Variants in RPH3AL observed in about 807,000 individuals in gnomAD.
RPH3AL encodes the protein rabphilin 3A like (without C2 domains).
RPH3AL carries 38 observed loss-of-function variants against 43.1 expected under a neutral mutation model. That is an observed-to-expected ratio of 0.88 (90% CI 0.68 to 1.15). The LOEUF (loss-of-function observed/expected upper bound fraction) is 1.15, where lower values mean the gene tolerates loss of function less well. Among genes scored for constraint, RPH3AL ranks in the 50% most tolerant of loss-of-function variants. The pLI is 0.00. For synonymous variants in RPH3AL, 189 were observed against 176.3 expected (o/e 1.07, Z -0.57); for missense variants, 462 against 423.2 (o/e 1.09, Z -0.81).
intron 1 of RPH3AL, among the ~76,000 whole-genome samples, chr17:338,223 A>G (rs907326249): frequency 6.6e-6 from 1 of 152,208 alleles, no homozygotes; most frequent in Non-Finnish European, 1.5e-5. Flanking sequence ...GCACTTTGGG[A>G]AGCCAAGGCA....
chr17:307,193 GGTCCTCCCC>G (rs1555568410), intron 5 of RPH3AL, among the ~76,000 whole-genome samples: 2 of 70,746 alleles, frequency 2.8e-5, no homozygotes, highest in Non-Finnish European at 6.9e-5. Context: ...CCCCGCGGCA[GGTCCTCCCC>G]ACGGCAGGTC....
At chr17:259,071 G>T (rs1409452022) in intron 6 of RPH3AL, among the ~76,000 whole-genome samples, 2 of 152,280 alleles carry the variant, frequency 1.3e-5, no homozygotes, top group African/African-American at 2.4e-5. Context: ...ATGAGCACCC[G>T]ATGGATCATT....
intron 6 of RPH3AL, among the ~76,000 whole-genome samples, chr17:273,814 C>G (rs533985528): frequency 2.0e-5 from 3 of 152,146 alleles, no homozygotes; most frequent in Non-Finnish European, 2.9e-5. Context: ...CAGGATGTGG[C>G]GGGAAATTGA....
chr17:309,107 G>A (rs560153943), intron 5 of RPH3AL, among the ~76,000 whole-genome samples: 1 of 152,226 alleles, frequency 6.6e-6, no homozygotes, highest in Non-Finnish European at 1.5e-5. Context: ...GACCAGCCTG[G>A]GCAACATAGC....
At chr17:219,477 A>C (rs1252465393) in intron 8 of RPH3AL, 146 bp downstream of exon 8, 8 of 566,512 alleles carry the variant, frequency 1.4e-5, no homozygotes, top group Non-Finnish European at 2.2e-5. Flanking sequence ...GATTACAGAC[A>C]TAAGCCACTG....
At chr17:317,311 C>G (rs569335144) in intron 5 of RPH3AL, among the ~76,000 whole-genome samples, 7,710 of 145,312 alleles carry the variant, frequency 0.053, 564 homozygotes, top group African/African-American at 0.14. Flanking sequence ...CTCCATTGAC[C>G]TTTAGTCCAT....
intron 6 of RPH3AL, among the ~76,000 whole-genome samples, chr17:269,257 T>C (rs2042404841): frequency 6.6e-6 from 1 of 151,380 alleles, no homozygotes; most frequent in African/African-American, 2.4e-5. Context: ...AGCAGTCCTC[T>C]TGCCTCAGCC....
intron 7 of RPH3AL, among the ~76,000 whole-genome samples, chr17:239,998 G>A (rs1004994709): frequency 1.3e-5 from 2 of 152,158 alleles, no homozygotes; most frequent in African/African-American, 4.8e-5. Context: ...AGCACTTTGG[G>A]AGGCCAAGGT....
chr17:298,975 C>A (rs1288417686), intron 5 of RPH3AL, among the ~76,000 whole-genome samples: 2 of 151,606 alleles, frequency 1.3e-5, no homozygotes, highest in African/African-American at 2.4e-5. Flanking sequence ...CAGCAGGCTG[C>A]AGCCGGGGAA....
intron 7 of RPH3AL, among the ~76,000 whole-genome samples, chr17:220,336 C>T (rs1439513842): frequency 2.0e-5 from 3 of 151,550 alleles, no homozygotes; most frequent in East Asian, 1.9e-4. Context: ...CTGAGGCCTC[C>T]ACTCACTGAG....
chr17:228,678 C>CA (rs1174639458), intron 7 of RPH3AL, among the ~76,000 whole-genome samples: 2 of 152,158 alleles, frequency 1.3e-5, no homozygotes, highest in African/African-American at 4.8e-5. Flanking sequence ...GATTTGAACC[C>CA]AGGCCTTTCT....
chr17:347,641 C>A (rs1337373081), intron 1 of RPH3AL, among the ~76,000 whole-genome samples: 1 of 152,060 alleles, frequency 6.6e-6, no homozygotes, highest in African/African-American at 2.4e-5. Context: ...TGACTATACT[C>A]TTACCAAAGG....
chr17:231,740 G>A (rs1289471814), intron 7 of RPH3AL, among the ~76,000 whole-genome samples: 1 of 152,240 alleles, frequency 6.6e-6, no homozygotes, highest in Non-Finnish European at 1.5e-5. Context: ...TCCCAGTTCA[G>A]CTAAGACAGG....
intron 6 of RPH3AL, among the ~76,000 whole-genome samples, chr17:269,704 G>A (rs886118638): frequency 6.6e-6 from 1 of 152,196 alleles, no homozygotes; most frequent in Non-Finnish European, 1.5e-5. Context: ...GGCCCTTAGT[G>A]GGCACTCAGC....
At chr17:304,619 C>T (rs377214475) in intron 5 of RPH3AL, among the ~76,000 whole-genome samples, 16 of 152,184 alleles carry the variant, frequency 1.1e-4, no homozygotes, top group Non-Finnish European at 1.6e-4. Flanking sequence ...GCTGTCACGA[C>T]GATTCCACCC....
intron 1 of RPH3AL, among the ~76,000 whole-genome samples, chr17:348,209 C>T (rs1255436510): frequency 1.3e-5 from 2 of 151,752 alleles, no homozygotes; most frequent in East Asian, 3.9e-4. Flanking sequence ...ACTATGGAGA[C>T]AGTAAAAAGA....
At chr17:325,862 C>T (rs2044607212) in intron 3 of RPH3AL, among the ~76,000 whole-genome samples, 1 of 152,204 alleles carries the variant, frequency 6.6e-6, no homozygotes, top group Non-Finnish European at 1.5e-5. Flanking sequence ...ACACAGCTCC[C>T]AGCTCTGCGG....
chr17:276,564 G>C (rs911613042), intron 6 of RPH3AL, among the ~76,000 whole-genome samples: 7 of 152,240 alleles, frequency 4.6e-5, no homozygotes, highest in African/African-American at 1.7e-4. Flanking sequence ...GCTAATTTTT[G>C]TATTTTTTTG....
chr17:254,454 G>A (rs1158390126), intron 6 of RPH3AL, among the ~76,000 whole-genome samples: 5 of 13,860 alleles, frequency 3.6e-4, no homozygotes, highest in African/African-American at 8.1e-4. Flanking sequence ...GCCGCACGGC[G>A]TCTGTCCTTT....
Sources: gnomAD v4.1 joint callset for allele counts (sites outside exome capture counted in the v4.1 genomes callset) on GRCh38, gnomAD v4.1.1 for gene constraint, MANE v1.5 for transcripts, NCBI Gene and HGNC (gene_info 2026-07-23, HGNC 2026-07-21) for gene names.